The following RBFOX1 variants were observed in gnomAD, a reference collection of about 807,000 sequenced individuals.
The protein encoded by RBFOX1 is RNA binding fox-1 homolog 1, also known as RNA binding protein fox-1 homolog 1.
RBFOX1 carries 8 observed loss-of-function variants against 57.7 expected under a neutral mutation model. The ratio of observed to expected loss-of-function variants is 0.14; its 90% CI spans 0.08 to 0.25. The LOEUF (loss-of-function observed/expected upper bound fraction) is 0.25, where lower values mean the gene tolerates loss of function less well. RBFOX1 is among the 10% of genes least tolerant of loss of function. RBFOX1 has a pLI of 1.00. For synonymous variants in RBFOX1, 326 were observed against 222.4 expected (o/e 1.47, Z -4.15); for missense variants, 611 against 548.5 (o/e 1.11, Z -1.14).
chr16:5,480,936 T>C (rs2069518942), intron 2 of RBFOX1, among the ~76,000 whole-genome samples: 1 of 152,260 alleles, frequency 6.6e-6, no homozygotes, highest in Non-Finnish European at 1.5e-5. Context: ...AGGCAATCTA[T>C]GTAGTATATA....
chr16:6,968,022 G>A (rs2084669012), intron 3 of RBFOX1, among the ~76,000 whole-genome samples: 1 of 152,158 alleles, frequency 6.6e-6, no homozygotes, highest in Admixed American at 6.5e-5. Flanking sequence ...GCTCTTGTAA[G>A]GAAGCCATGT....
chr16:6,308,544 C>A (rs1213039247), intron 1 of RBFOX1, among the ~76,000 whole-genome samples: 2 of 152,154 alleles, frequency 1.3e-5, no homozygotes, highest in East Asian at 1.9e-4. Flanking sequence ...ACTTGAACAT[C>A]CTGCTCGTGT....
intron 3 of RBFOX1, among the ~76,000 whole-genome samples, chr16:7,005,294 C>T (rs2153641979): frequency 6.6e-6 from 1 of 152,300 alleles, no homozygotes; most frequent in South Asian, 2.1e-4. Context: ...GCCTCCATTC[C>T]AGTCATCTTC....
chr16:5,956,776 C>G (rs1435800111), intron 4 of RBFOX1, among the ~76,000 whole-genome samples: 2 of 149,136 alleles, frequency 1.3e-5, no homozygotes, highest in Non-Finnish European at 3.0e-5. Context: ...CTCAGATGAT[C>G]TTTCCACCTC....
chr16:6,970,539 G>T (rs72776221), intron 3 of RBFOX1, among the ~76,000 whole-genome samples: 15 of 152,254 alleles, frequency 9.9e-5, no homozygotes, highest in Non-Finnish European at 1.9e-4. Flanking sequence ...TGTCCGGTGA[G>T]GGCTGAGTCT....
At chr16:6,909,871 A>G (rs1179505929) in intron 3 of RBFOX1, among the ~76,000 whole-genome samples, 1 of 151,966 alleles carries the variant, frequency 6.6e-6, no homozygotes, top group Non-Finnish European at 1.5e-5. Context: ...GTGTGACTGA[A>G]TTTGCCTGCA....
At position 5,300,634 on chromosome 16, in the gene RBFOX1, C is replaced by T. The variant is rs777570628; in HGVS notation, c.219+60529C>T. ...TTTGCCAGTGAAGACATCTGGGACTCGGCTTTTGTTTGTGGTAAAATGTCA... is the reference window on the plus strand; with the variant it reads ...TTTGCCAGTGAAGACATCTGGGACTTGGCTTTTGTTTGTGGTAAAATGTCA... On this transcript the variant is annotated intron_variant, in intron 1 of 2. Coordinates refer to the RBFOX1 transcript ENST00000585867. 4.3e-4 allele frequency among the ~76,000 whole-genome samples: 66 copies of T among 152,062 alleles called. 2 individuals carry two copies. The highest frequency in any genetic ancestry group is 2.1e-4 in the Non-Finnish European group (14 of 68,010).
At chr16:5,760,688 A>G (rs2053563972) in intron 3 of RBFOX1, among the ~76,000 whole-genome samples, 1 of 152,214 alleles carries the variant, frequency 6.6e-6, no homozygotes, top group Admixed American at 6.5e-5. Context: ...TGAAATATTT[A>G]TTAGGTTGGT....
At chr16:7,454,759 T>G (rs1010515581) in intron 4 of RBFOX1, among the ~76,000 whole-genome samples, 8 of 152,228 alleles carry the variant, frequency 5.3e-5, no homozygotes, top group African/African-American at 1.9e-4. Context: ...CATGAACATG[T>G]GCAATTGCCC....
chr16:7,352,160 G>C (rs2097140578), intron 4 of RBFOX1, among the ~76,000 whole-genome samples: 1 of 152,178 alleles, frequency 6.6e-6, no homozygotes, highest in South Asian at 2.1e-4. Context: ...CTCTGCTCCA[G>C]ATACAGCCAT....
At chr16:6,576,951 T>A (rs968872068) in intron 2 of RBFOX1, 1 of 152,210 alleles carries the variant, frequency 6.6e-6, no homozygotes, top group African/African-American at 2.4e-5. Context: ...CATCTAGGGA[T>A]ACATTTCCAG....
At chr16:6,551,529 G>T (rs1292404496) in intron 2 of RBFOX1, among the ~76,000 whole-genome samples, 1 of 152,160 alleles carries the variant, frequency 6.6e-6, no homozygotes, top group African/African-American at 2.4e-5. Flanking sequence ...AAGTCTGCAG[G>T]CTGGTAGCAC....
intron 3 of RBFOX1, among the ~76,000 whole-genome samples, chr16:6,740,665 T>C (rs759130322): frequency 1.2e-4 from 18 of 152,156 alleles, no homozygotes; most frequent in Non-Finnish European, 2.5e-4. Flanking sequence ...TATTTAGGTG[T>C]GCATCTAACA....
intron 1 of RBFOX1, among the ~76,000 whole-genome samples, chr16:6,168,019 G>A (rs1267464943): frequency 5.3e-5 from 8 of 152,140 alleles, no homozygotes; most frequent in African/African-American, 1.7e-4. Context: ...GCTTGGCTTG[G>A]CTTTATTTGG....
At chr16:7,411,429 A>G (rs1262433906) in intron 4 of RBFOX1, among the ~76,000 whole-genome samples, 8 of 152,078 alleles carry the variant, frequency 5.3e-5, no homozygotes, top group African/African-American at 1.9e-4. Context: ...GAGAGGAGAC[A>G]GGGCCCTAAC....
chr16:6,495,669 A>T (rs2095750923), intron 2 of RBFOX1, among the ~76,000 whole-genome samples: 1 of 152,192 alleles, frequency 6.6e-6, no homozygotes, highest in Non-Finnish European at 1.5e-5. Flanking sequence ...GATGCCTCTT[A>T]TGGCTTTTGG....
At chr16:7,502,875 T>G (rs890375386) in intron 4 of RBFOX1, among the ~76,000 whole-genome samples, 2 of 151,964 alleles carry the variant, frequency 1.3e-5, no homozygotes, top group Non-Finnish European at 2.9e-5. Flanking sequence ...ATACAAAAAT[T>G]AGCCAAGTGT....
chr16:5,550,290 C>T (rs895454940), intron 2 of RBFOX1, among the ~76,000 whole-genome samples: 1 of 152,170 alleles, frequency 6.6e-6, no homozygotes, highest in Non-Finnish European at 1.5e-5. Flanking sequence ...TGTTTACCTA[C>T]TGTTAGTAAA....
chr16:6,351,022 A>G (rs1200077440), intron 2 of RBFOX1, among the ~76,000 whole-genome samples: 1 of 152,168 alleles, frequency 6.6e-6, no homozygotes, highest in African/African-American at 2.4e-5. Flanking sequence ...CAAAGTTGTG[A>G]TATGTCATCT....
Sources: allele counts gnomAD v4.1 joint callset (sites outside exome capture counted in the v4.1 genomes callset), GRCh38; gene constraint gnomAD v4.1.1; transcripts MANE v1.5; gene names NCBI Gene and HGNC (gene_info 2026-07-23, HGNC 2026-07-21).